The following HS1BP3 variants were observed in gnomAD, a reference collection of about 807,000 sequenced individuals.
HS1BP3 encodes HCLS1 binding protein 3, also known as HCLS1-binding protein 3.
Under a neutral mutation model 33.5 loss-of-function variants are expected in HS1BP3, and 32 were observed. That is an observed-to-expected ratio of 0.95 (90% CI 0.72 to 1.28). HS1BP3 has a LOEUF of 1.28. Among genes scored for constraint, HS1BP3 ranks in the 50% most tolerant of loss-of-function variants. The probability of loss-of-function intolerance (pLI) is 0.00; values close to 1 mark genes in which losing one functional copy is unlikely to be tolerated. For synonymous variants in HS1BP3, 187 were observed against 209.2 expected (o/e 0.89, Z 0.92); for missense variants, 486 against 502.3 (o/e 0.97, Z 0.31).
At chr2:20,564,340 G>A (rs548687454) in intron 5 of HS1BP3, among the ~76,000 whole-genome samples, 5 of 152,336 alleles carry the variant, frequency 3.3e-5, no homozygotes, top group Non-Finnish European at 4.4e-5. Flanking sequence ...AGCTGCCTCC[G>A]TGGCCCCAGC....
chr2:20,560,912 AAAG>A (rs1156536382), intron 5 of HS1BP3, among the ~76,000 whole-genome samples: 2 of 152,062 alleles, frequency 1.3e-5, no homozygotes, highest in African/African-American at 4.8e-5. Flanking sequence ...TGGTGATGAG[AAAG>A]AAGAGGAAGG....
intron 4 of HS1BP3, among the ~76,000 whole-genome samples, chr2:20,627,139 C>T (rs1168772845): frequency 5.9e-5 from 9 of 152,244 alleles, no homozygotes; most frequent in Non-Finnish European, 1.3e-4. Flanking sequence ...CTTTGCGTGG[C>T]CCTTGCTCCT....
At chr2:20,598,300 G>A in intron 2 of HS1BP3, 1 of 380,076 alleles carries the variant, frequency 2.6e-6, no homozygotes, top group Non-Finnish European at 5.5e-6. Context: ...AGATCGTCAG[G>A]CATTAGATTC....
intron 4 of HS1BP3, chr2:20,634,973 C>T (rs980062990): frequency 1.3e-4 from 19 of 151,878 alleles, no homozygotes; most frequent in African/African-American, 4.6e-4. Flanking sequence ...CGCTGTGAGT[C>T]CTCAGGGACC....
At chr2:20,560,489 C>T (rs964187460) in exon 6 of HS1BP3, 3 of 152,296 alleles carry the variant, frequency 2.0e-5, no homozygotes, top group African/African-American at 7.2e-5. Flanking sequence ...GCTCTGTGCA[C>T]ATTGAAATCC....
At chr2:20,636,853 A>G (rs1695146350) in intron 4 of HS1BP3, 1 of 152,234 alleles carries the variant, frequency 6.6e-6, no homozygotes, top group Admixed American at 6.5e-5. Context: ...CAAAAAATTT[A>G]CTTATTATTC....
chr2:20,588,102 T>C, downstream of HS1BP3, among the ~76,000 whole-genome samples: 1 of 150,826 alleles, frequency 6.6e-6, no homozygotes, highest in East Asian at 2.0e-4. Context: ...CCAAGGGAAG[T>C]GGACTTGTCT....
At chr2:20,624,090 T>C (rs6733419) in intron 5 of HS1BP3, 59 bp from the exon 6 acceptor site, 1,582,746 of 1,584,210 alleles carry the variant, frequency 1, 790,651 homozygotes, top group South Asian at 1. Flanking sequence ...ATGCCATGGC[T>C]GCTCTCTCTC....
At chr2:20,643,079 G>A (rs942628525) in intron 2 of HS1BP3, among the ~76,000 whole-genome samples, 3 of 152,224 alleles carry the variant, frequency 2.0e-5, no homozygotes, top group African/African-American at 7.2e-5. Context: ...ACATCAAAGA[G>A]ACTTCAGGCT....
At chr2:20,596,707 G>A (rs1558327928) in intron 3 of HS1BP3, among the ~76,000 whole-genome samples, 2 of 152,206 alleles carry the variant, frequency 1.3e-5, no homozygotes, top group Non-Finnish European at 2.9e-5. Context: ...TGAGCAGAGT[G>A]GTCCCTTCTT....
At chr2:20,638,274 C>A (rs1331746841) in intron 4 of HS1BP3, 162 bp downstream of exon 4, 3 of 652,292 alleles carry the variant, frequency 4.6e-6, no homozygotes, top group African/African-American at 1.8e-5. Context: ...ACGCAGAGAG[C>A]TACTTCCCCC....
chr2:20,566,514 A>T (rs916438500), intron 5 of HS1BP3, among the ~76,000 whole-genome samples: 4 of 152,004 alleles, frequency 2.6e-5, no homozygotes, highest in African/African-American at 7.2e-5. Flanking sequence ...CACTCTGGCC[A>T]CCTGCACTCT....
chr2:20,588,678 C>G (rs562699634), downstream of HS1BP3, among the ~76,000 whole-genome samples: 17 of 152,336 alleles, frequency 1.1e-4, no homozygotes, highest in African/African-American at 3.1e-4. Context: ...GGTTTCAGCT[C>G]CCTCCTGGGA....
downstream of HS1BP3, among the ~76,000 whole-genome samples, chr2:20,555,764 A>G (rs1372409425): frequency 1.3e-5 from 2 of 151,516 alleles, no homozygotes; most frequent in African/African-American, 4.9e-5. Flanking sequence ...CCAGTTATGA[A>G]ACTTCTTTGG....
chr2:20,599,161 C>A (rs1007832111), intron 2 of HS1BP3, among the ~76,000 whole-genome samples: 2 of 152,264 alleles, frequency 1.3e-5, no homozygotes, highest in Non-Finnish European at 2.9e-5. Context: ...GGCAACCAAT[C>A]CGGGCCAGTA....
chr2:20,640,415 G>C, intron 3 of HS1BP3: 1 of 214,262 alleles, frequency 4.7e-6, no homozygotes, highest in South Asian at 1.8e-4. Context: ...GACAGGGCCA[G>C]GACACCCATG....
chr2:20,610,005 T>C (rs62125673), intron 2 of HS1BP3, among the ~76,000 whole-genome samples: 8,161 of 152,310 alleles, frequency 0.054, 242 homozygotes, highest in African/African-American at 0.065. Context: ...AGCAGGCATC[T>C]TCTACTTCAT....
intron 6 of HS1BP3, among the ~76,000 whole-genome samples, chr2:20,620,062 G>C (rs776958676): frequency 5.9e-5 from 9 of 152,248 alleles, no homozygotes; most frequent in Non-Finnish European, 1.2e-4. Flanking sequence ...CTGAGGGCAA[G>C]AAACAGGCCA....
chr2:20,599,609 AACAC>A (rs59149167), intron 2 of HS1BP3, among the ~76,000 whole-genome samples: 14,511 of 136,166 alleles, frequency 0.11, 748 homozygotes, highest in African/African-American at 0.12. Flanking sequence ...CTTCTTGTGT[AACAC>A]ACACACACAC....
Sources: gnomAD v4.1 joint callset for allele counts (sites outside exome capture counted in the v4.1 genomes callset) on GRCh38, gnomAD v4.1.1 for gene constraint, MANE v1.5 for transcripts, NCBI Gene and HGNC (gene_info 2026-07-23, HGNC 2026-07-21) for gene names.